The following ST7 variants were observed in gnomAD, a reference collection of about 807,000 sequenced individuals.
The protein encoded by ST7 is suppressor of tumorigenicity 7 protein.
Under a neutral mutation model 78.7 loss-of-function variants are expected in ST7, and 28 were observed. The ratio of observed to expected loss-of-function variants is 0.36; its 90% CI spans 0.26 to 0.49. ST7 has a LOEUF of 0.49. Among genes scored for constraint, ST7 ranks in the 20% least tolerant of loss-of-function variants. The pLI is 0.99. For synonymous variants in ST7, 247 were observed against 249.6 expected, an observed-to-expected ratio of 0.99 and a Z score of 0.10; for missense variants, 418 against 696.0, an observed-to-expected ratio of 0.60 and a Z score of 4.49.
At chr7:117,134,543 T>C (rs1804625738) in intron 7 of ST7, among the ~76,000 whole-genome samples, 2 of 152,068 alleles carry the variant, frequency 1.3e-5, no homozygotes, top group Non-Finnish European at 2.9e-5. Context: ...GCAAGCAAGC[T>C]AGCCCCAACC....
chr7:117,003,778 A>G (rs890696917), intron 1 of ST7, among the ~76,000 whole-genome samples: 6 of 152,206 alleles, frequency 3.9e-5, no homozygotes, highest in Non-Finnish European at 1.5e-5. Flanking sequence ...CTTTTTTAAG[A>G]AAATGTTTCA....
intron 1 of ST7, among the ~76,000 whole-genome samples, chr7:117,056,936 A>G (rs571669775): frequency 4.9e-4 from 74 of 152,318 alleles, no homozygotes; most frequent in Middle Eastern, 3.4e-3. Flanking sequence ...ATTCCTTTAC[A>G]TCAAGGTCAC....
intron 12 of ST7, among the ~76,000 whole-genome samples, chr7:117,194,203 T>C (rs1467115703): frequency 1.3e-5 from 2 of 152,138 alleles, no homozygotes; most frequent in Non-Finnish European, 2.9e-5. Flanking sequence ...ACCAACAGAA[T>C]TGTCACTCCC....
chr7:117,217,300 CA>C (rs899414755), intron 13 of ST7, among the ~76,000 whole-genome samples: 27 of 138,982 alleles, frequency 1.9e-4, no homozygotes, highest in South Asian at 2.3e-4. Context: ...AAAAAAAAAA[CA>C]AAAAAAAAAA....
intron 2 of ST7, among the ~76,000 whole-genome samples, chr7:117,110,624 T>G (rs1468240296): frequency 6.6e-6 from 1 of 152,252 alleles, no homozygotes; most frequent in East Asian, 1.9e-4. Context: ...TCAGCTGTTT[T>G]TCTAGCCTGC....
At chr7:116,953,738 CG>C (rs939369155) in intron 1 of ST7, 47 bp downstream of exon 1, 1 of 1,337,010 alleles carries the variant, frequency 7.5e-7, no homozygotes, top group Non-Finnish European at 9.8e-7. Context: ...TCCCCCGCCC[CG>C]GAAAGTTAGT....
chr7:117,002,813 C>CTT (rs397970060), intron 1 of ST7, among the ~76,000 whole-genome samples: 10,066 of 72,116 alleles, frequency 0.14, 2,254 homozygotes, highest in Non-Finnish European at 0.18. Context: ...ATTTTTTTTC[C>CTT]TTTTTTTTTT....
At chr7:116,956,799 G>A in intron 1 of ST7, 1 of 369,146 alleles carries the variant, frequency 2.7e-6, no homozygotes, top group South Asian at 2.1e-5. Context: ...TGATAAGAAA[G>A]ATGAATGAGT....
chr7:117,174,577 G>A (rs868377275), intron 10 of ST7, among the ~76,000 whole-genome samples: 3 of 152,232 alleles, frequency 2.0e-5, no homozygotes, highest in East Asian at 1.9e-4. Flanking sequence ...GGATAAAAAC[G>A]GAGGTGGTCT....
chr7:116,956,751 T>A lies in ST7; in HGVS notation c.151+3060T>A, dbSNP rs147493558. On this transcript the variant is annotated intron_variant, in intron 1 of 15. Transcript: ENST00000323984. ...AAATGAGCTTAACTCGATTTTTTTT[T>A]AATTTAGATGCCTCCTAATGTACTA... 4.3e-3 allele frequency: 1,832 copies of A among 429,424 alleles called. 37 individuals carry two copies. Among genetic ancestry groups the A allele is most frequent in the African/African-American group, 0.034 (1,630 of 48,524 alleles). 26.6% of individuals were successfully genotyped at this position (429,424 alleles called of 1,614,324 possible). A position where few individuals can be genotyped will look rare whatever the true frequency, so the allele number is the denominator to read the frequency against.
At chr7:117,162,615 G>A (rs1217450791) in intron 9 of ST7, among the ~76,000 whole-genome samples, 2 of 151,848 alleles carry the variant, frequency 1.3e-5, no homozygotes, top group East Asian at 3.9e-4. Context: ...GAGAAGAGGT[G>A]CTGGGTTGTA....
chr7:117,168,472 C>T (rs1415240493), intron 9 of ST7, among the ~76,000 whole-genome samples: 2 of 151,980 alleles, frequency 1.3e-5, no homozygotes, highest in Non-Finnish European at 1.5e-5. Context: ...TGCTGAATGA[C>T]AGAGAGCTTT....
At chr7:117,042,796 CT>C (rs1361230521) in intron 1 of ST7, among the ~76,000 whole-genome samples, 1 of 151,876 alleles carries the variant, frequency 6.6e-6, no homozygotes, top group Non-Finnish European at 1.5e-5. Flanking sequence ...TCCTTTTTTA[CT>C]TTTGAATCTT....
intron 15 of ST7, among the ~76,000 whole-genome samples, chr7:117,227,042 G>T (rs1793494069): frequency 1.3e-5 from 2 of 152,162 alleles, no homozygotes; most frequent in African/African-American, 4.8e-5. Flanking sequence ...GATTTTCAGA[G>T]GCTTCACTTT....
chr7:117,128,656 A>G (rs913694402), intron 3 of ST7, among the ~76,000 whole-genome samples: 1 of 151,820 alleles, frequency 6.6e-6, no homozygotes, highest in Non-Finnish European at 1.5e-5. Flanking sequence ...GAGATTACAC[A>G]CATGTTCCCA....
At chr7:117,179,115 C>T (rs559555466) in intron 10 of ST7, among the ~76,000 whole-genome samples, 38 of 152,268 alleles carry the variant, frequency 2.5e-4, no homozygotes, top group Non-Finnish European at 4.7e-4. Flanking sequence ...TCAAACTCTG[C>T]TGGAACTGTA....
intron 1 of ST7, among the ~76,000 whole-genome samples, chr7:116,998,191 G>T (rs1794759114): frequency 6.6e-6 from 1 of 152,230 alleles, no homozygotes; most frequent in African/African-American, 2.4e-5. Context: ...GCGCTGGCGG[G>T]CCGGCACTGC....
In ST7 at chr7:117,209,846, C is replaced by G; in HGVS notation, c.1314C>G (p.Asp438Glu). The change falls in exon 13 of 16, where the codon GAC becomes GAG. Residue 438 changes from aspartate to glutamate, a missense_variant. Physicochemically the swap from Asp to Glu is conservative, Grantham distance 45. Coordinates refer to ENST00000323984, the MANE Select transcript of ST7 (RefSeq NM_001369598.1). ...CAGAACATATCCTGAAGAGAGGAGA[C>G]AGTGAAGCAATAGCATATGCATTCT... ...LPPEHILKRG[D>E]SEAIAYAFFH... 6 of 1,614,034 alleles carry G rather than the reference C, an allele frequency of 3.7e-6. No individual in the cohort carries two copies. Among genetic ancestry groups the G allele is most frequent in the Non-Finnish European group, 5.1e-6 (6 of 1,180,002 alleles).
At chr7:117,033,678 G>A (rs1366999767) in intron 1 of ST7, among the ~76,000 whole-genome samples, 1 of 151,986 alleles carries the variant, frequency 6.6e-6, no homozygotes, top group Non-Finnish European at 1.5e-5. Flanking sequence ...CCTGCCTCAG[G>A]CTTCCAAAGT....
Sources: gnomAD v4.1 joint callset for allele counts (sites outside exome capture counted in the v4.1 genomes callset) on GRCh38, gnomAD v4.1.1 for gene constraint, MANE v1.5 for transcripts, NCBI Gene and HGNC (gene_info 2026-07-23, HGNC 2026-07-21) for gene names.